Variants in NKAIN2 observed in about 807,000 individuals in gnomAD.
NKAIN2 encodes sodium/potassium-transporting ATPase subunit beta-1-interacting protein 2.
NKAIN2 carries 14 observed loss-of-function variants against 32.6 expected under a neutral mutation model. The observed-to-expected ratio is 0.43, with a 90% CI of 0.28 to 0.67. The LOEUF is 0.67. NKAIN2 is among the 30% of genes least tolerant of loss of function. The pLI, the probability that NKAIN2 is intolerant of heterozygous loss-of-function variation, is 0.17. For synonymous variants in NKAIN2, 80 were observed against 87.2 expected (o/e 0.92, Z 0.46); for missense variants, 198 against 258.3 (o/e 0.77, Z 1.60).
chr6:124,401,048 C>G (rs897389020), intron 3 of NKAIN2, among the ~76,000 whole-genome samples: 9 of 152,090 alleles, frequency 5.9e-5, no homozygotes, highest in Admixed American at 5.2e-4. Flanking sequence ...ATGCATTGGT[C>G]TGTTATTTTT....
At chr6:124,484,851 G>A (rs1052916811) in intron 3 of NKAIN2, among the ~76,000 whole-genome samples, 3 of 152,084 alleles carry the variant, frequency 2.0e-5, no homozygotes, top group Non-Finnish European at 2.9e-5. Context: ...TGTTGGGGGT[G>A]CAGGACTTAG....
Position 124,119,787 on chromosome 6 carries a change from A to G in NKAIN2, c.55-163218A>G, listed in dbSNP as rs947874515. 3.3e-5 allele frequency among the ~76,000 whole-genome samples: 5 copies of G among 152,304 alleles called. No individual in the cohort carries two copies. The South Asian group carries it at 1.0e-3, about 32-fold the overall frequency. On this transcript the variant is annotated intron_variant, in intron 1 of 6. Coordinates refer to ENST00000368417, the MANE Select transcript of NKAIN2 (RefSeq NM_001040214.3). ...GTGGCCTCCAGTGTGCACAGCTGCT[A>G]CCAGACACCTGTCACCCTGGAGCTC...
At chr6:124,291,694 A>G (rs577557403) in intron 2 of NKAIN2, among the ~76,000 whole-genome samples, 15 of 152,232 alleles carry the variant, frequency 9.9e-5, no homozygotes, top group African/African-American at 3.6e-4. Flanking sequence ...GGCTGCTCTG[A>G]GAAGCTTTAT....
intron 1 of NKAIN2, among the ~76,000 whole-genome samples, chr6:124,113,208 A>T (rs571729535): frequency 6.6e-6 from 1 of 151,372 alleles, no homozygotes; most frequent in Non-Finnish European, 1.5e-5. Context: ...GCCTCTATCA[A>T]CTCTTTTCCT....
intron 3 of NKAIN2, among the ~76,000 whole-genome samples, chr6:124,390,426 C>G (rs1395004319): frequency 6.6e-5 from 10 of 152,064 alleles, no homozygotes; most frequent in Admixed American, 6.6e-4. Context: ...ATAACGTTAA[C>G]CAGTAGAAAA....
At chr6:123,920,791 C>T (rs1775715764) in intron 1 of NKAIN2, among the ~76,000 whole-genome samples, 1 of 152,080 alleles carries the variant, frequency 6.6e-6, no homozygotes, top group African/African-American at 2.4e-5. Context: ...TGGACAAAAA[C>T]AAGAAATGAA....
intron 1 of NKAIN2, among the ~76,000 whole-genome samples, chr6:124,168,594 T>C (rs1292443008): frequency 6.6e-6 from 1 of 151,964 alleles, no homozygotes; most frequent in Non-Finnish European, 1.5e-5. Flanking sequence ...AAGAATGACA[T>C]ATCTAACATA....
At chr6:124,367,516 A>G in intron 3 of NKAIN2, among the ~76,000 whole-genome samples, 1 of 152,166 alleles carries the variant, frequency 6.6e-6, no homozygotes, top group Admixed American at 6.5e-5. Context: ...AGGGCACCTC[A>G]AATCAGGGCT....
intron 2 of NKAIN2, among the ~76,000 whole-genome samples, chr6:124,288,819 T>C (rs1348616230): frequency 1.3e-5 from 2 of 152,068 alleles, no homozygotes; most frequent in Non-Finnish European, 2.9e-5. Flanking sequence ...TCAAAACATA[T>C]TGGAAATACA....
At chr6:123,949,678 A>G (rs1458181944) in intron 1 of NKAIN2, among the ~76,000 whole-genome samples, 3 of 151,848 alleles carry the variant, frequency 2.0e-5, no homozygotes, top group African/African-American at 7.2e-5. Context: ...TGACTTATTT[A>G]TCGGTTTAAG....
intron 2 of NKAIN2, among the ~76,000 whole-genome samples, chr6:124,318,514 GA>G (rs1165466131): frequency 6.6e-6 from 1 of 151,810 alleles, no homozygotes; most frequent in Admixed American, 6.6e-5. Context: ...AATTGCCCTG[GA>G]AAAATATCTT....
intron 3 of NKAIN2, among the ~76,000 whole-genome samples, chr6:124,438,190 A>T (rs1200139497): frequency 2.0e-5 from 3 of 152,144 alleles, no homozygotes; most frequent in Admixed American, 2.0e-4. Context: ...ATTTAGCTTG[A>T]TAATCAGCGT....
chr6:123,895,257 G>A (rs1774226805), intron 1 of NKAIN2, among the ~76,000 whole-genome samples: 1 of 151,770 alleles, frequency 6.6e-6, no homozygotes, highest in Non-Finnish European at 1.5e-5. Flanking sequence ...AGCAGCAGCA[G>A]CAGCAGCAGC....
chr6:124,208,911 A>G (rs1391614088), intron 1 of NKAIN2, among the ~76,000 whole-genome samples: 1 of 151,712 alleles, frequency 6.6e-6, no homozygotes, highest in Non-Finnish European at 1.5e-5. Flanking sequence ...CAATGATCAA[A>G]TCAAAGTACT....
chr6:123,905,087 A>C (rs1030476207), intron 1 of NKAIN2, among the ~76,000 whole-genome samples: 1 of 152,176 alleles, frequency 6.6e-6, no homozygotes, highest in African/African-American at 2.4e-5. Flanking sequence ...TTGCAAAAAA[A>C]GTTGGGTTTT....
chr6:124,415,878 CTTTTT>C lies in NKAIN2; in HGVS notation c.273+60544_273+60548del. 9.6e-5 allele frequency among the ~76,000 whole-genome samples: 7 copies of C among 72,602 alleles called. No individual in the cohort carries two copies. The East Asian group carries it at 2.1e-3, about 21-fold the overall frequency. 47.6% of individuals were successfully genotyped at this position (72,602 alleles called of 152,430 possible). A position where few individuals can be genotyped will look rare whatever the true frequency, so the allele number is the denominator to read the frequency against. On this transcript the variant is annotated intron_variant, in intron 3 of 6. Transcript: ENST00000368417. ...TTTTTTAATTTGCTTTTTTTATTTG[CTTTTT>C]TTTTTTTTTTTTGCTAATTTCTCAT...
chr6:124,665,511 C>A (rs952336453), intron 4 of NKAIN2, among the ~76,000 whole-genome samples: 1 of 152,174 alleles, frequency 6.6e-6, no homozygotes, highest in African/African-American at 2.4e-5. Context: ...GTTCTCTATA[C>A]TGGCTGAGAA....
intron 2 of NKAIN2, among the ~76,000 whole-genome samples, chr6:124,328,013 C>G (rs1032876889): frequency 1.3e-5 from 2 of 152,112 alleles, no homozygotes; most frequent in African/African-American, 2.4e-5. Flanking sequence ...GGATTATCAT[C>G]GCTTCCTTTA....
chr6:124,344,351 T>G (rs950105788), intron 2 of NKAIN2, among the ~76,000 whole-genome samples: 1 of 152,056 alleles, frequency 6.6e-6, no homozygotes, highest in African/African-American at 2.4e-5. Flanking sequence ...TAAAGTAGTT[T>G]TTTCCAATTC....
Sources: allele counts gnomAD v4.1 joint callset (sites outside exome capture counted in the v4.1 genomes callset), GRCh38; gene constraint gnomAD v4.1.1; transcripts MANE v1.5; gene names NCBI Gene and HGNC (gene_info 2026-07-23, HGNC 2026-07-21).